RNF130: variants seen among roughly 807,000 people sequenced by gnomAD.
RNF130 encodes ring finger protein 130, also known as E3 ubiquitin-protein ligase RNF130.
Under a neutral mutation model 44.6 loss-of-function variants are expected in RNF130, and 21 were observed. That is an observed-to-expected ratio of 0.47 (90% CI 0.33 to 0.68). The LOEUF (loss-of-function observed/expected upper bound fraction) is 0.68, where lower values mean the gene tolerates loss of function less well. RNF130 is among the 30% of genes least tolerant of loss of function. RNF130 has a pLI of 0.02. For missense variants in RNF130, 479 were observed against 560.6 expected, an observed-to-expected ratio of 0.85 and a Z score of 1.47; for synonymous variants, 214 against 210.4, an observed-to-expected ratio of 1.02 and a Z score of -0.15.
exon 8 of RNF130, chr5:179,913,892 G>C (rs1463738338): frequency 6.6e-6 from 1 of 152,138 alleles, no homozygotes; most frequent in Non-Finnish European, 1.5e-5. Context: ...GTGTGGATTT[G>C]GGGGCTCACG....
intron 3 of RNF130, among the ~76,000 whole-genome samples, chr5:180,007,289 T>G (rs1229920113): frequency 1.3e-5 from 2 of 152,054 alleles, no homozygotes; most frequent in South Asian, 4.1e-4. Context: ...TAGTCCCAGC[T>G]ACGTGTGAGG....
At chr5:179,951,327 A>T (rs1762120599), downstream of RNF130, among the ~76,000 whole-genome samples, 1 of 152,180 alleles carries the variant, frequency 6.6e-6, no homozygotes, top group Admixed American at 6.5e-5. Context: ...GAGCAACACG[A>T]TTAACTAGAC....
chr5:180,047,185 T>G (rs867967402), intron 1 of RNF130, among the ~76,000 whole-genome samples: 9 of 152,368 alleles, frequency 5.9e-5, no homozygotes, highest in Non-Finnish European at 7.3e-5. Context: ...CTTTATTCTT[T>G]AAATTTCCTG....
chr5:180,026,453 CA>C (rs1763987461), intron 2 of RNF130, among the ~76,000 whole-genome samples: 2 of 152,204 alleles, frequency 1.3e-5, no homozygotes, highest in African/African-American at 4.8e-5. Flanking sequence ...CATACTACCA[CA>C]GATCCGCTAA....
At chr5:180,021,937 C>T (rs972673968) in intron 2 of RNF130, among the ~76,000 whole-genome samples, 1 of 152,168 alleles carries the variant, frequency 6.6e-6, no homozygotes, top group Non-Finnish European at 1.5e-5. Flanking sequence ...TAGCCATCTC[C>T]GTCAGTCTGC....
At chr5:180,044,420 G>C (rs145662897) in intron 1 of RNF130, among the ~76,000 whole-genome samples, 2 of 151,860 alleles carry the variant, frequency 1.3e-5, no homozygotes, top group Non-Finnish European at 2.9e-5. Flanking sequence ...TTTACCTCTT[G>C]ACAGGCACCA....
chr5:180,056,135 C>T (rs926114645), intron 1 of RNF130, among the ~76,000 whole-genome samples: 5 of 151,680 alleles, frequency 3.3e-5, no homozygotes, highest in Admixed American at 2.0e-4. Context: ...CACCACCAAT[C>T]AGATTTGGAA....
chr5:179,963,787 C>G, intron 7 of RNF130: 1 of 546,138 alleles, frequency 1.8e-6, no homozygotes, highest in East Asian at 3.1e-5. Flanking sequence ...ATGGCTCAAC[C>G]ATTTCTTCCA....
intron 3 of RNF130, among the ~76,000 whole-genome samples, chr5:179,998,433 GA>G (rs1477253191): frequency 6.6e-6 from 1 of 152,108 alleles, no homozygotes; most frequent in Non-Finnish European, 1.5e-5. Context: ...TTTGTGGTCA[GA>G]AAAGATCCTT....
chr5:180,007,081 T>C (rs1284019632), intron 3 of RNF130, among the ~76,000 whole-genome samples: 1 of 152,192 alleles, frequency 6.6e-6, no homozygotes. Flanking sequence ...GGTAGCATGT[T>C]CTACAGGAAG....
chr5:179,959,416 A>G (rs1041685541), intron 8 of RNF130, among the ~76,000 whole-genome samples: 1 of 152,180 alleles, frequency 6.6e-6, no homozygotes, highest in Non-Finnish European at 1.5e-5. Flanking sequence ...TCACAAGGTC[A>G]GGAGTTCAAG....
chr5:179,978,170 T>A lies in RNF130; in HGVS notation c.848+33A>T, dbSNP rs113717114. Reference sequence around the variant, plus strand: ...AGGAGGCATACAAAGCACATTAATATCATTCTTTCTCAAACAAATGAAGTT... The same window carrying A: ...AGGAGGCATACAAAGCACATTAATAACATTCTTTCTCAAACAAATGAAGTT... On this transcript the variant is annotated intron_variant, in intron 5 of 8. Coordinates refer to ENST00000521389, the MANE Select transcript of RNF130 (RefSeq NM_018434.6). 6.5e-6 allele frequency: 10 copies of A among 1,547,736 alleles called. No individual in the cohort carries two copies. The East Asian group carries it at 2.2e-4, about 35-fold the overall frequency.
intron 2 of RNF130, among the ~76,000 whole-genome samples, chr5:180,016,915 C>A (rs1168788945): frequency 2.0e-5 from 3 of 152,232 alleles, no homozygotes; most frequent in African/African-American, 7.2e-5. Flanking sequence ...AGGCTAGCTA[C>A]GTGGCCACAA....
intron 7 of RNF130, among the ~76,000 whole-genome samples, chr5:179,921,914 G>A (rs915911825): frequency 4.0e-5 from 6 of 151,734 alleles, no homozygotes; most frequent in Admixed American, 1.3e-4. Flanking sequence ...CCAGCTACTC[G>A]GGAGGCTGAG....
intron 5 of RNF130, among the ~76,000 whole-genome samples, chr5:179,975,570 C>T (rs1211580165): frequency 1.3e-5 from 2 of 152,306 alleles, no homozygotes; most frequent in Non-Finnish European, 2.9e-5. Context: ...AGATGGTGTG[C>T]TGTGCTGAGC....
chr5:179,919,035 G>A (rs1483477682), exon 8 of RNF130: 1 of 152,242 alleles, frequency 6.6e-6, no homozygotes. Flanking sequence ...GTGGAGACTG[G>A]GGTTCCTGTT....
chr5:179,929,762 C>T (rs1040146148), intron 7 of RNF130, among the ~76,000 whole-genome samples: 1 of 146,924 alleles, frequency 6.8e-6, no homozygotes, highest in South Asian at 2.2e-4. Context: ...AAAAAAAATT[C>T]TAGGATCAAT....
At chr5:179,965,491 TA>T (rs1373091177) in intron 7 of RNF130, among the ~76,000 whole-genome samples, 1 of 152,250 alleles carries the variant, frequency 6.6e-6, no homozygotes, top group Non-Finnish European at 1.5e-5. Context: ...CATTTCTACA[TA>T]AAATGTAATG....
At chr5:179,985,306 T>A (rs936768685) in intron 3 of RNF130, among the ~76,000 whole-genome samples, 1 of 152,072 alleles carries the variant, frequency 6.6e-6, no homozygotes, top group African/African-American at 2.4e-5. Context: ...GCATTTCCTA[T>A]AATAATAATG....
Sources: gnomAD v4.1 joint callset for allele counts (sites outside exome capture counted in the v4.1 genomes callset) on GRCh38, gnomAD v4.1.1 for gene constraint, MANE v1.5 for transcripts, NCBI Gene and HGNC (gene_info 2026-07-23, HGNC 2026-07-21) for gene names.